The following FAM135B variants were observed in gnomAD, a reference collection of about 807,000 sequenced individuals.
FAM135B encodes family with sequence similarity 135 member B, also known as protein FAM135B.
FAM135B carries 43 observed loss-of-function variants against 127.7 expected under a neutral mutation model. That is an observed-to-expected ratio of 0.34 (90% confidence interval 0.26 to 0.43). The LOEUF (loss-of-function observed/expected upper bound fraction) is 0.43, where lower values mean the gene tolerates loss of function less well. Among genes scored for constraint, FAM135B ranks in the 20% least tolerant of loss-of-function variants. The pLI is 1.00. For synonymous variants in FAM135B, 670 were observed against 665.1 expected (o/e 1.01, Z -0.11); for missense variants, 1,558 against 1,725.6 (o/e 0.90, Z 1.72).
chr8:138,435,951 G>T (rs549340576), intron 1 of FAM135B, among the ~76,000 whole-genome samples: 1 of 152,114 alleles, frequency 6.6e-6, no homozygotes, highest in Admixed American at 6.5e-5. Context: ...TGTTCTCCTT[G>T]TCTTTTTGAT....
intron 1 of FAM135B, among the ~76,000 whole-genome samples, chr8:138,373,371 C>A (rs954597366): frequency 1.3e-5 from 2 of 150,768 alleles, no homozygotes; most frequent in Non-Finnish European, 2.9e-5. Flanking sequence ...ATCACTTCCC[C>A]AATCAATACC....
intron 13 of FAM135B, 93 bp from the exon 14 acceptor site, chr8:138,148,779 C>T: frequency 1.1e-6 from 1 of 928,574 alleles, no homozygotes; most frequent in Non-Finnish European, 1.6e-6. Flanking sequence ...GCTGAGCACC[C>T]ACAAGCAAAG....
In FAM135B at chr8:138,241,048, C is replaced by T. The variant is rs1002468934; in HGVS notation, c.669+1894G>A. On this transcript the variant is annotated intron_variant, in intron 7 of 19. Coordinates refer to ENST00000395297, the MANE Select transcript of FAM135B (RefSeq NM_015912.4). The surrounding 1 kb of genome is among the most constrained non-coding windows in gnomAD (Gnocchi z 4.8). ...ATGGGGTCTACTGAAACTCTGGGTG[C>T]CAGCCCACGTGGGGGCTGAAGGAAG... Among the ~76,000 whole-genome samples, 5 of 152,078 alleles carry T rather than the reference C, an allele frequency of 3.3e-5. No homozygotes were observed. The highest frequency in any genetic ancestry group is 7.3e-5 in the Non-Finnish European group (5 of 68,028).
chr8:138,241,385 C>T lies in FAM135B; in HGVS notation c.669+1557G>A, dbSNP rs1474411784. On this transcript the variant is annotated intron_variant, in intron 7 of 19. Transcript: ENST00000395297. This position sits in a 1 kb window ranked among gnomAD's most constrained non-coding sequence, Gnocchi z 4.8. Reference sequence around the variant, plus strand: ...TATTTGGCTCTAAAATCTGCTCCTTCCATGGCACAGAACCCCATTCTGGCT... The same window carrying T: ...TATTTGGCTCTAAAATCTGCTCCTTTCATGGCACAGAACCCCATTCTGGCT... Among the ~76,000 whole-genome samples, 1 of 152,192 alleles carries T rather than the reference C, an allele frequency of 6.6e-6. No homozygotes were observed. Among genetic ancestry groups the T allele is most frequent in the African/African-American group, 2.4e-5 (1 of 41,448 alleles).
intron 2 of FAM135B, among the ~76,000 whole-genome samples, chr8:138,362,199 C>G (rs1420520108): frequency 6.6e-6 from 1 of 150,972 alleles, no homozygotes; most frequent in Non-Finnish European, 1.5e-5. Context: ...GTTGTGCTAT[C>G]AAATAGCAGG....
Position 138,243,210 on chromosome 8 carries a change from A to C in FAM135B, c.543-142T>G, listed in dbSNP as rs867549480. 1.1e-6 allele frequency: 1 copy of C among 943,972 alleles called. No individual in the cohort carries two copies. The allele number at this position is 943,972 out of a possible 1,614,324, so 58.5% of individuals were successfully genotyped here. The stretch of plus-strand genomic sequence containing the variant: ...AGTTCACCCCCTAGGGAGTGTTTGC[A>C]TGTGACATTTGTGGATATTTTGATG... On this transcript the variant is annotated intron_variant, in intron 6 of 19. Transcript: ENST00000395297. This position sits in a 1 kb window ranked among gnomAD's most constrained non-coding sequence, Gnocchi z 7.5.
At chr8:138,351,220 C>T (rs1324497980) in intron 2 of FAM135B, among the ~76,000 whole-genome samples, 1 of 152,154 alleles carries the variant, frequency 6.6e-6, no homozygotes, top group African/African-American at 2.4e-5. Context: ...ACTCCTAGTA[C>T]CTCAGAATGT....
intron 7 of FAM135B, among the ~76,000 whole-genome samples, chr8:138,212,128 G>A (rs1242734856): frequency 6.6e-6 from 1 of 152,122 alleles, no homozygotes; most frequent in Non-Finnish European, 1.5e-5. Flanking sequence ...ACGTGGTGAG[G>A]AGCAACTAGG....
rs72185111 is a variant in FAM135B at position 138,226,150 on chromosome 8, CGTGT to C, written c.669+16788_669+16791del. 2.1e-3 allele frequency among the ~76,000 whole-genome samples: 284 copies of C among 133,478 alleles called. 1 individual carries two copies. Among genetic ancestry groups the C allele is most frequent in the South Asian group, 0.012 (46 of 3,938 alleles). The allele number at this position is 133,478 out of a possible 152,430, so 87.6% of individuals were successfully genotyped here. On this transcript the variant is annotated intron_variant, in intron 7 of 19. Transcript: ENST00000395297. Reference sequence around the variant, plus strand: ...AAAATACAATTTTCTGGGGACCCACCGTGTGTGTGTGTGTGTGTGTGTGTGTGTG... The same window carrying C: ...AAAATACAATTTTCTGGGGACCCACCGTGTGTGTGTGTGTGTGTGTGTGTG...
chr8:138,138,392 TG>T (rs150984589), intron 18 of FAM135B, among the ~76,000 whole-genome samples: 371 of 152,266 alleles, frequency 2.4e-3, no homozygotes, highest in African/African-American at 8.4e-3. Flanking sequence ...CCAGCTTGTG[TG>T]GTGGGACTGA....
chr8:138,382,851 A>G (rs16909045), intron 1 of FAM135B, among the ~76,000 whole-genome samples: 1,982 of 152,286 alleles, frequency 0.013, 50 homozygotes, highest in African/African-American at 0.042. Context: ...TTAATTTCAT[A>G]TTGAATTTTT....
At chr8:138,314,811 T>C (rs1377226658) in intron 2 of FAM135B, among the ~76,000 whole-genome samples, 1 of 147,184 alleles carries the variant, frequency 6.8e-6, no homozygotes, top group Non-Finnish European at 1.5e-5. Flanking sequence ...GAACAGGAGG[T>C]TGAAGAGGAA....
At position 138,228,695 on chromosome 8, in the gene FAM135B, C is replaced by T. The variant is rs567630088; in HGVS notation, c.669+14247G>A. ...TGGTTGCTCTTCGGAATTGACTTTT[C>T]TTCCTCTTAAACCTCAAGCAGTATC... On this transcript the variant is annotated intron_variant, in intron 7 of 19. Coordinates refer to ENST00000395297, the MANE Select transcript of FAM135B (RefSeq NM_015912.4). Among the ~76,000 whole-genome samples the T allele has an allele frequency of 1.0e-3, 153 of 152,230 alleles. 1 individual carries two copies. Among genetic ancestry groups the T allele is most frequent in the African/African-American group, 3.0e-3 (126 of 41,550 alleles).
intron 2 of FAM135B, among the ~76,000 whole-genome samples, chr8:138,351,683 CTTTTTTTTTTT>C (rs889424592): frequency 2.7e-5 from 3 of 109,474 alleles, no homozygotes; most frequent in African/African-American, 1.0e-4. Flanking sequence ...TAGGGCAGAT[CTTTTTTTTTTT>C]TTTTTTTTTT....
intron 1 of FAM135B, among the ~76,000 whole-genome samples, chr8:138,456,919 A>T (rs1299425839): frequency 6.6e-6 from 1 of 152,020 alleles, no homozygotes; most frequent in Admixed American, 6.6e-5. Context: ...CTCACCACTG[A>T]CATGGAAAGA....
intron 7 of FAM135B, among the ~76,000 whole-genome samples, chr8:138,211,400 A>G (rs1462401633): frequency 2.0e-5 from 3 of 152,226 alleles, no homozygotes; most frequent in Admixed American, 2.0e-4. Flanking sequence ...AAGAATCAAC[A>G]GTTTCCTACA....
chr8:138,494,150 G>A (rs931238730), intron 1 of FAM135B, among the ~76,000 whole-genome samples: 2 of 152,328 alleles, frequency 1.3e-5, no homozygotes, highest in Admixed American at 1.3e-4. Context: ...CTTTGCCTCA[G>A]TGGGTTGACC....
chr8:138,161,866 T>C (rs776850184), intron 12 of FAM135B, among the ~76,000 whole-genome samples: 23 of 152,240 alleles, frequency 1.5e-4, no homozygotes, highest in Non-Finnish European at 2.6e-4. Flanking sequence ...TACTATGATC[T>C]GTTTGTGCAT....
chr8:138,367,200 TAATTC>T, intron 2 of FAM135B: 6 of 328,712 alleles, frequency 1.8e-5, no homozygotes, highest in South Asian at 1.5e-4. Context: ...ATTGGACACT[TAATTC>T]AATTTCTATT....
Sources: gnomAD v4.1 joint callset for allele counts (sites outside exome capture counted in the v4.1 genomes callset) on GRCh38, gnomAD v4.1.1 for gene constraint, Gnocchi (gnomAD v3.1) non-coding constraint, MANE v1.5 for transcripts, NCBI Gene and HGNC (gene_info 2026-07-23, HGNC 2026-07-21) for gene names.